GREB1L: variants seen among roughly 807,000 people sequenced by gnomAD.
GREB1L encodes GREB1 like retinoic acid receptor coactivator, also known as GREB1-like protein.
In GREB1L, 17 loss-of-function variants were observed where a neutral mutation model predicts 200.8. That is an observed-to-expected ratio of 0.08 (90% confidence interval 0.06 to 0.13). The LOEUF (loss-of-function observed/expected upper bound fraction) is 0.13, where lower values mean the gene tolerates loss of function less well. Ranked by LOEUF, GREB1L falls within the 10% of genes least tolerant of loss-of-function variation. The pLI is 1.00. For synonymous variants in GREB1L, 789 were observed against 893.0 expected (o/e 0.88, Z 2.08); for missense variants, 1,657 against 2,367.7 (o/e 0.70, Z 6.23).
intron 1 of GREB1L, among the ~76,000 whole-genome samples, chr18:21,289,113 C>T (rs537252353): frequency 1.3e-5 from 2 of 152,320 alleles, no homozygotes; most frequent in South Asian, 4.1e-4. Flanking sequence ...GTGCATCATA[C>T]TCTTCATTAG....
chr18:21,380,396 C>T (rs1431041336), intron 2 of GREB1L: 1 of 152,316 alleles, frequency 6.6e-6, no homozygotes, highest in Middle Eastern at 3.4e-3. Flanking sequence ...TTCTTCTCAA[C>T]CAGTCCTCCA....
intron 1 of GREB1L, among the ~76,000 whole-genome samples, chr18:21,362,919 T>C (rs1356826081): frequency 2.6e-5 from 4 of 152,226 alleles, no homozygotes; most frequent in Admixed American, 2.6e-4. Flanking sequence ...ATATGACCTT[T>C]CCTTTGTTAG....
intron 15 of GREB1L, among the ~76,000 whole-genome samples, chr18:21,464,731 A>G (rs2035201130): frequency 6.6e-6 from 1 of 152,142 alleles, no homozygotes; most frequent in Admixed American, 6.5e-5. Flanking sequence ...CATTATGTGC[A>G]AAAAAGCACA....
chr18:21,287,878 T>C (rs2038382772), intron 1 of GREB1L, among the ~76,000 whole-genome samples: 1 of 147,738 alleles, frequency 6.8e-6, no homozygotes, highest in South Asian at 2.2e-4. Flanking sequence ...CACTGCAACC[T>C]CCGCCTCCCG....
At chr18:21,263,692 A>T (rs2037923499) in intron 1 of GREB1L, among the ~76,000 whole-genome samples, 1 of 152,070 alleles carries the variant, frequency 6.6e-6, no homozygotes, top group South Asian at 2.1e-4. Context: ...TGGTAGAGCT[A>T]CTCCTTACTT....
chr18:21,299,894 A>T (rs2038590948), intron 1 of GREB1L, among the ~76,000 whole-genome samples: 1 of 152,202 alleles, frequency 6.6e-6, no homozygotes, highest in African/African-American at 2.4e-5. Flanking sequence ...GATATTAGAC[A>T]TTATGATAAA....
intron 17 of GREB1L, among the ~76,000 whole-genome samples, chr18:21,480,326 AG>A (rs1388248252): frequency 3.3e-5 from 5 of 152,046 alleles, no homozygotes. Context: ...ACTCCAGCCT[AG>A]GTGACAGAGG....
At chr18:21,274,435 G>C (rs2038129030) in intron 1 of GREB1L, among the ~76,000 whole-genome samples, 1 of 151,842 alleles carries the variant, frequency 6.6e-6, no homozygotes, top group African/African-American at 2.4e-5. Context: ...TTTTGAGACT[G>C]GGTCTCACTC....
At chr18:21,247,527 C>T (rs1193419278) in intron 1 of GREB1L, among the ~76,000 whole-genome samples, 1 of 151,992 alleles carries the variant, frequency 6.6e-6, no homozygotes, top group Non-Finnish European at 1.5e-5. Context: ...CCGTGTTTGC[C>T]TATATTACCA....
Position 21,508,109 on chromosome 18 carries a change from C to G in GREB1L, c.4369-9C>G, listed in dbSNP as rs566954474. The G allele has an allele frequency of 1.0e-4, 155 of 1,550,962 alleles. No individual in the cohort carries two copies. Among genetic ancestry groups the G allele is most frequent in the Middle Eastern group, 3.3e-4 (2 of 6,014 alleles). On this transcript the variant is annotated splice_polypyrimidine_tract_variant and intron_variant, in intron 25 of 32. Transcript: ENST00000424526. ...TTACGTTCCCTCCCTTTCTTCTTTG[C>G]AAATGTAGATGTCTGACTCCACCCT... is the stretch of plus-strand genomic sequence containing the variant.
chr18:21,440,804 A>G (rs2033857585), intron 9 of GREB1L, among the ~76,000 whole-genome samples: 1 of 152,236 alleles, frequency 6.6e-6, no homozygotes, highest in Admixed American at 6.5e-5. Flanking sequence ...GCTCTCTTTC[A>G]GAACACCTAA....
At chr18:21,290,102 T>C (rs1448454683) in intron 1 of GREB1L, among the ~76,000 whole-genome samples, 2 of 152,126 alleles carry the variant, frequency 1.3e-5, no homozygotes, top group African/African-American at 2.4e-5. Context: ...AAAGGTAGAG[T>C]GGGCTTTGGC....
intron 9 of GREB1L, among the ~76,000 whole-genome samples, chr18:21,440,615 C>T (rs769930406): frequency 3.3e-5 from 5 of 152,116 alleles, no homozygotes; most frequent in Non-Finnish European, 1.5e-5. Context: ...AAAAGCCATT[C>T]GTTATATGGG....
chr18:21,257,094 T>C (rs1172183616), intron 1 of GREB1L, among the ~76,000 whole-genome samples: 5 of 152,162 alleles, frequency 3.3e-5, no homozygotes, highest in Middle Eastern at 6.8e-3. Context: ...GTCTCAGACT[T>C]ATTAGAGAGT....
intron 1 of GREB1L, among the ~76,000 whole-genome samples, chr18:21,296,895 G>A (rs2038536972): frequency 6.6e-6 from 1 of 152,056 alleles, no homozygotes; most frequent in Non-Finnish European, 1.5e-5. Context: ...CCTCAAGTGA[G>A]CCACCCTCCT....
intron 1 of GREB1L, among the ~76,000 whole-genome samples, chr18:21,336,170 A>G (rs2039182407): frequency 1.3e-5 from 2 of 152,166 alleles, no homozygotes; most frequent in South Asian, 4.1e-4. Context: ...GTAATAGCCA[A>G]CTCTGTTCAT....
intron 15 of GREB1L, among the ~76,000 whole-genome samples, chr18:21,461,012 A>C (rs1413133383): frequency 6.6e-6 from 1 of 151,180 alleles, no homozygotes; most frequent in Admixed American, 6.6e-5. Flanking sequence ...TGGGAGGATC[A>C]CTTGAACCTG....
At chr18:21,248,921 T>G (rs1228904748) in intron 1 of GREB1L, among the ~76,000 whole-genome samples, 1 of 152,206 alleles carries the variant, frequency 6.6e-6, no homozygotes, top group African/African-American at 2.4e-5. Flanking sequence ...AGTGCTGGTC[T>G]AAACTCTTTG....
intron 15 of GREB1L, among the ~76,000 whole-genome samples, chr18:21,460,874 A>G (rs2035015280): frequency 6.6e-6 from 1 of 151,392 alleles, no homozygotes; most frequent in South Asian, 2.1e-4. Flanking sequence ...AGTCAGGTGG[A>G]TCACCTGAGG....
Sources: gnomAD v4.1 joint callset for allele counts (sites outside exome capture counted in the v4.1 genomes callset) on GRCh38, gnomAD v4.1.1 for gene constraint, MANE v1.5 for transcripts, NCBI Gene and HGNC (gene_info 2026-07-23, HGNC 2026-07-21) for gene names.